CERS6: variants seen among roughly 807,000 people sequenced by gnomAD.
The protein encoded by CERS6 is LAG1 homolog, ceramide synthase 6.
In CERS6, 26 loss-of-function variants were observed where a neutral mutation model predicts 56.8. The observed-to-expected ratio is 0.46, with a 90% confidence interval of 0.34 to 0.63. The LOEUF (loss-of-function observed/expected upper bound fraction) is 0.63. Ranked by LOEUF, CERS6 falls within the 30% of genes least tolerant of loss-of-function variation. The pLI is 0.01. For missense variants in CERS6, 415 were observed against 467.5 expected, an observed-to-expected ratio of 0.89 and a Z score of 1.04; for synonymous variants, 164 against 173.3, an observed-to-expected ratio of 0.95 and a Z score of 0.42.
intron 8 of CERS6, among the ~76,000 whole-genome samples, chr2:168,724,109 G>C (rs140767251): frequency 1.8e-4 from 28 of 152,250 alleles, no homozygotes; most frequent in African/African-American, 6.5e-4. Flanking sequence ...TCTGGAGTCT[G>C]TCCCTTCTGA....
chr2:168,578,286 C>T (rs755278029), intron 3 of CERS6, among the ~76,000 whole-genome samples: 1 of 151,932 alleles, frequency 6.6e-6, no homozygotes, highest in Non-Finnish European at 1.5e-5. Flanking sequence ...TAAAACCAAC[C>T]TATGGAGCCT....
chr2:168,646,878 C>T (rs1169112631), intron 4 of CERS6, among the ~76,000 whole-genome samples: 3 of 152,112 alleles, frequency 2.0e-5, no homozygotes, highest in Non-Finnish European at 1.5e-5. Context: ...CTATTCTGTT[C>T]CATTGGTCTA....
At chr2:168,755,569 C>G (rs1227481813) in intron 8 of CERS6, among the ~76,000 whole-genome samples, 1 of 152,192 alleles carries the variant, frequency 6.6e-6, no homozygotes, top group Non-Finnish European at 1.5e-5. Flanking sequence ...GCTTAAGAAC[C>G]TATCCCACCC....
At chr2:168,751,524 T>C (rs1396956347) in intron 8 of CERS6, among the ~76,000 whole-genome samples, 2 of 152,162 alleles carry the variant, frequency 1.3e-5, no homozygotes, top group Non-Finnish European at 2.9e-5. Flanking sequence ...CACTGAGCAG[T>C]ATTTTTTTTT....
At chr2:168,639,804 C>T (rs1684946022) in intron 4 of CERS6, among the ~76,000 whole-genome samples, 1 of 152,112 alleles carries the variant, frequency 6.6e-6, no homozygotes, top group Admixed American at 6.6e-5. Flanking sequence ...CAGGGAGTAT[C>T]TGGTACTGGG....
In CERS6 at chr2:168,595,842, G is replaced by C. The variant is rs1683783673; in HGVS notation, c.407+34520G>C. Among the ~76,000 whole-genome samples, 2 of 152,076 alleles carry C rather than the reference G, an allele frequency of 1.3e-5. 1 individual carries two copies. The highest frequency in any genetic ancestry group is 4.1e-4 in the South Asian group (2 of 4,822). ...TTTGTGGAGATCAAAAAGAAGAATT[G>C]TATGTTTTTTTTCTTTTTGGCAGAC... is the stretch of plus-strand genomic sequence containing the variant. On this transcript the variant is annotated intron_variant, in intron 3 of 9. Transcript: ENST00000305747.
chr2:168,696,661 C>T (rs1257047337), intron 6 of CERS6, among the ~76,000 whole-genome samples: 2 of 152,192 alleles, frequency 1.3e-5, no homozygotes, highest in Non-Finnish European at 2.9e-5. Flanking sequence ...CCCACTTTCT[C>T]ATAGATGACA....
At chr2:168,500,426 G>T (rs1396854855) in intron 1 of CERS6, among the ~76,000 whole-genome samples, 6 of 152,184 alleles carry the variant, frequency 3.9e-5, no homozygotes, top group Admixed American at 1.3e-4. Context: ...AGGGAAATTG[G>T]AAAAGTCCAT....
At chr2:168,650,314 CA>C (rs1685312258) in intron 4 of CERS6, among the ~76,000 whole-genome samples, 1 of 152,188 alleles carries the variant, frequency 6.6e-6, no homozygotes, top group Non-Finnish European at 1.5e-5. Context: ...GAGTGTCCAA[CA>C]GTCCCAGGAG....
intron 1 of CERS6, among the ~76,000 whole-genome samples, chr2:168,499,124 C>T (rs1049265739): frequency 1.3e-5 from 2 of 152,164 alleles, no homozygotes; most frequent in Non-Finnish European, 2.9e-5. Context: ...TGGCTACCTG[C>T]CCCAGGTCCT....
In CERS6 at chr2:168,642,674, T is replaced by G. The variant is rs1685077698; in HGVS notation, c.465+11632T>G. ...AGCACAAGCTTTCCTGGTAGTATAATGAAAGTTGCAGAATGGAGCATAACC... is the reference window on the plus strand; with the variant it reads ...AGCACAAGCTTTCCTGGTAGTATAAGGAAAGTTGCAGAATGGAGCATAACC... On this transcript the variant is annotated intron_variant, in intron 4 of 9. Coordinates refer to ENST00000305747, the MANE Select transcript of CERS6 (RefSeq NM_203463.3). 1.3e-5 allele frequency among the ~76,000 whole-genome samples: 2 copies of G among 152,216 alleles called. 1 individual carries two copies. Among genetic ancestry groups the G allele is most frequent in the South Asian group, 4.1e-4 (2 of 4,836 alleles).
intron 1 of CERS6, among the ~76,000 whole-genome samples, chr2:168,536,286 A>G (rs1374891812): frequency 6.6e-6 from 1 of 152,204 alleles, no homozygotes; most frequent in Non-Finnish European, 1.5e-5. Flanking sequence ...CCCAGTGGCT[A>G]TTTTCTTAGA....
chr2:168,765,370 G>GA (rs1269027555), intron 8 of CERS6, among the ~76,000 whole-genome samples: 1 of 152,082 alleles, frequency 6.6e-6, no homozygotes, highest in East Asian at 1.9e-4. Context: ...AGTGAATAGG[G>GA]AAAAATATAT....
At chr2:168,507,826 TTCCTC>T (rs1232533689) in intron 1 of CERS6, among the ~76,000 whole-genome samples, 5 of 152,218 alleles carry the variant, frequency 3.3e-5, no homozygotes, top group Non-Finnish European at 7.3e-5. Flanking sequence ...AGATCTTTCT[TTCCTC>T]TTCTCTTCCT....
At chr2:168,632,652 A>T in intron 4 of CERS6, among the ~76,000 whole-genome samples, 1 of 152,288 alleles carries the variant, frequency 6.6e-6, no homozygotes, top group East Asian at 1.9e-4. Context: ...TAGTTTTCAG[A>T]TTTACTTATC....
At chr2:168,686,158 G>A (rs1002968062) in intron 4 of CERS6, among the ~76,000 whole-genome samples, 5 of 148,878 alleles carry the variant, frequency 3.4e-5, no homozygotes, top group Non-Finnish European at 7.4e-5. Flanking sequence ...GGTAAGGATT[G>A]GCGTCTAGTG....
chr2:168,741,803 A>G (rs529765019), intron 8 of CERS6, among the ~76,000 whole-genome samples: 7 of 152,352 alleles, frequency 4.6e-5, no homozygotes, highest in African/African-American at 1.7e-4. Context: ...TACTGTCCAC[A>G]TGTGGAGAGC....
intron 8 of CERS6, among the ~76,000 whole-genome samples, chr2:168,734,688 A>G (rs1683660112): frequency 6.6e-6 from 1 of 152,222 alleles, no homozygotes; most frequent in Admixed American, 6.5e-5. Context: ...AAGAACAGTG[A>G]TGATGAACTC....
At chr2:168,745,316 A>T (rs1176337154) in intron 8 of CERS6, among the ~76,000 whole-genome samples, 1 of 151,424 alleles carries the variant, frequency 6.6e-6, no homozygotes, top group Non-Finnish European at 1.5e-5. Flanking sequence ...GTCTCGGCTC[A>T]CTGCAAGGTC....
Sources: gnomAD v4.1 joint callset for allele counts (sites outside exome capture counted in the v4.1 genomes callset) on GRCh38, gnomAD v4.1.1 for gene constraint, MANE v1.5 for transcripts, NCBI Gene and HGNC (gene_info 2026-07-23, HGNC 2026-07-21) for gene names.